Variants in SGPP2 observed in about 807,000 individuals in gnomAD.
SGPP2 encodes sphingosine 1-phosphate phosphohydrolase 2.
A neutral mutation model predicts 33.9 loss-of-function variants in SGPP2; 30 were observed. That is an observed-to-expected ratio of 0.89 (90% CI 0.66 to 1.20). SGPP2 has a LOEUF of 1.20. Ranked by LOEUF, SGPP2 falls within the 50% of genes most tolerant of loss-of-function variation. The pLI, the probability that SGPP2 is intolerant of heterozygous loss-of-function variation, is 0.00. For synonymous variants in SGPP2, 233 were observed against 225.0 expected (o/e 1.04, Z -0.32); for missense variants, 458 against 532.1 (o/e 0.86, Z 1.37).
chr2:222,447,511 C>T (rs1697415748), intron 1 of SGPP2, among the ~76,000 whole-genome samples: 1 of 152,084 alleles, frequency 6.6e-6, no homozygotes, highest in African/African-American at 2.4e-5. Context: ...CAGTAAAGAA[C>T]CCCTGATATC....
chr2:222,471,059 A>C (rs144155280), intron 1 of SGPP2, among the ~76,000 whole-genome samples: 2 of 152,224 alleles, frequency 1.3e-5, no homozygotes, highest in African/African-American at 2.4e-5. Flanking sequence ...CATTATTGTC[A>C]TTCCTGTTTA....
intron 2 of SGPP2, among the ~76,000 whole-genome samples, chr2:222,488,628 C>T (rs1292147621): frequency 2.0e-5 from 3 of 152,106 alleles, no homozygotes. Context: ...ATCATGTGGC[C>T]TTACAAATAC....
chr2:222,437,664 T>G (rs1697263928), intron 1 of SGPP2, among the ~76,000 whole-genome samples: 1 of 152,216 alleles, frequency 6.6e-6, no homozygotes, highest in South Asian at 2.1e-4. Flanking sequence ...GATGGAATGC[T>G]GCTGTGCACG....
intron 1 of SGPP2, among the ~76,000 whole-genome samples, chr2:222,444,976 A>G (rs1290635901): frequency 2.0e-5 from 3 of 152,212 alleles, no homozygotes; most frequent in Non-Finnish European, 4.4e-5. Flanking sequence ...TCCAGACTCC[A>G]ATTAGTCCCT....
rs114007055 is a variant in SGPP2 at position 222,556,160 on chromosome 2, G to T, written c.649-2187G>T. ...GAGCTTAGAAGCAGCTGCACATTAA[G>T]TTGAGAGACTGGAGGCAACATGTGT... On this transcript the variant is annotated intron_variant, in intron 4 of 4. Transcript: ENST00000321276. Among the ~76,000 whole-genome samples the T allele has an allele frequency of 5.0e-3, 764 of 152,288 alleles. 3 individuals carry two copies. The highest frequency in any genetic ancestry group is 0.018 in the African/African-American group (732 of 41,530).
At position 222,470,652 on chromosome 2, in the gene SGPP2, A is replaced by G. The variant is rs561745557; in HGVS notation, c.220-3916A>G. ...GGTCGGTCTCTAGAGTAGGGTAATG[A>G]TGGTTGCTGAGTACTTATAATGTCA... is the stretch of plus-strand genomic sequence containing the variant. On this transcript the variant is annotated intron_variant, in intron 1 of 4. Transcript: ENST00000321276. 3.3e-4 allele frequency among the ~76,000 whole-genome samples: 50 copies of G among 151,228 alleles called. No homozygotes were observed. In the South Asian group the frequency reaches 6.6e-3, roughly 20 times the overall value.
intron 2 of SGPP2, among the ~76,000 whole-genome samples, chr2:222,514,595 C>A (rs1698576716): frequency 6.8e-6 from 1 of 146,758 alleles, no homozygotes; most frequent in Non-Finnish European, 1.5e-5. Flanking sequence ...ACGTTCATAA[C>A]CTGCAAGAAA....
chr2:222,456,358 C>G (rs939053760), intron 1 of SGPP2, among the ~76,000 whole-genome samples: 2 of 152,206 alleles, frequency 1.3e-5, no homozygotes. Context: ...TTGGGAGCCA[C>G]TAGCCTCACG....
intron 4 of SGPP2, among the ~76,000 whole-genome samples, chr2:222,543,515 TAAC>T (rs1484077125): frequency 1.3e-5 from 2 of 152,214 alleles, no homozygotes; most frequent in African/African-American, 4.8e-5. Context: ...AGTAAGAGAT[TAAC>T]AACAACAACC....
chr2:222,518,930 C>G (rs1410399969), intron 2 of SGPP2, among the ~76,000 whole-genome samples: 1 of 152,164 alleles, frequency 6.6e-6, no homozygotes, highest in African/African-American at 2.4e-5. Context: ...ACGGAATTAA[C>G]CGGCAACTCA....
rs115650898 is a variant in SGPP2 at position 222,539,298 on chromosome 2, T to G, written c.648+14265T>G. On this transcript the variant is annotated intron_variant, in intron 4 of 4. Transcript: ENST00000321276. ...TTAAATCTTGAAGCTCCAAAATAAT[T>G]ATAAAGGTTCTTAAATATTTTCAAA... 8.5e-3 allele frequency among the ~76,000 whole-genome samples: 1,290 copies of G among 152,284 alleles called. 18 individuals carry two copies. The highest frequency in any genetic ancestry group is 0.029 in the African/African-American group (1,215 of 41,548).
chr2:222,522,411 A>G (rs1385929032), intron 3 of SGPP2, among the ~76,000 whole-genome samples: 1 of 152,226 alleles, frequency 6.6e-6, no homozygotes, highest in Admixed American at 6.5e-5. Flanking sequence ...ATTAGCCTCT[A>G]AGGATGTCTC....
At chr2:222,467,950 GAAAAAAAAAAAA>G (rs61253653) in intron 1 of SGPP2, among the ~76,000 whole-genome samples, 468 of 24,720 alleles carry the variant, frequency 0.019, 1 homozygote, top group East Asian at 0.044. Flanking sequence ...GCTCTAATCT[GAAAAAAAAAAAA>G]AAAAAAAAAA....
chr2:222,449,171 C>T (rs1409508980), intron 1 of SGPP2, among the ~76,000 whole-genome samples: 2 of 152,174 alleles, frequency 1.3e-5, no homozygotes, highest in South Asian at 2.1e-4. Context: ...CCCTTTCTAC[C>T]CATCTGGTCG....
At chr2:222,538,419 G>T (rs897660687) in intron 4 of SGPP2, among the ~76,000 whole-genome samples, 1 of 152,106 alleles carries the variant, frequency 6.6e-6, no homozygotes, top group Non-Finnish European at 1.5e-5. Context: ...TAAAAATTTT[G>T]TTACATAGAA....
Position 222,439,149 on chromosome 2 carries a change from T to C in SGPP2, c.219+14328T>C, listed in dbSNP as rs182832510. Among the ~76,000 whole-genome samples the C allele has an allele frequency of 6.8e-3, 1,041 of 152,296 alleles. 11 individuals are homozygous for C. The highest frequency in any genetic ancestry group is 0.024 in the African/African-American group (981 of 41,570). ...CTCAGAGTCAGTGTCCACTAGTCCC[T>C]GAAATGTCTGATCATTTCCCTTTCC... On this transcript the variant is annotated intron_variant, in intron 1 of 4. Transcript: ENST00000321276.
In SGPP2 at chr2:222,558,642, C is replaced by T. The variant is rs142248672; in HGVS notation, c.944C>T (p.Pro315Leu). ...CTCCCTGTTATTCAGAACATCCCAC[C>T]ACTCACCACCTACATGTTAGTTTTG... ...ESLPVIQNIP[P>L]LTTYMLVLGL... is the part of the protein sequence containing the mutation. The change falls in exon 5 of 5, where the codon CCA becomes CTA. Residue 315 changes from proline to leucine, a missense_variant. By Grantham distance (98) the Pro-to-Leu change is moderately conservative. Transcript: ENST00000321276. 1.2e-5 allele frequency: 20 copies of T among 1,614,022 alleles called. No individual in the cohort carries two copies. Among genetic ancestry groups the T allele is most frequent in the Admixed American group, 8.3e-5 (5 of 59,986 alleles).
chr2:222,527,792 A>C (rs532398040), intron 4 of SGPP2, among the ~76,000 whole-genome samples: 26 of 152,320 alleles, frequency 1.7e-4, no homozygotes, highest in African/African-American at 6.0e-4. Flanking sequence ...GGGTGCAATG[A>C]TGAGTAATTT....
At chr2:222,470,849 A>C (rs891088569) in intron 1 of SGPP2, among the ~76,000 whole-genome samples, 2 of 152,218 alleles carry the variant, frequency 1.3e-5, no homozygotes, top group Non-Finnish European at 2.9e-5. Flanking sequence ...GTGTGCCTCA[A>C]GGTCAGGCCT....
Sources: gnomAD v4.1 joint callset for allele counts (sites outside exome capture counted in the v4.1 genomes callset) on GRCh38, gnomAD v4.1.1 for gene constraint, MANE v1.5 for transcripts, NCBI Gene and HGNC (gene_info 2026-07-23, HGNC 2026-07-21) for gene names.